Variants in MYO5A observed in about 807,000 individuals in gnomAD.
MYO5A encodes the protein unconventional myosin-Va.
A neutral mutation model predicts 249.7 loss-of-function variants in MYO5A; 98 were observed. That is an observed-to-expected ratio of 0.39 (90% CI 0.33 to 0.46). The LOEUF is 0.46. Among genes scored for constraint, MYO5A ranks in the 20% least tolerant of loss-of-function variants. MYO5A has a pLI of 0.98. For synonymous variants in MYO5A, 778 were observed against 810.6 expected (o/e 0.96, Z 0.68); for missense variants, 1,696 against 2,308.8 (o/e 0.73, Z 5.44).
intron 1 of MYO5A, among the ~76,000 whole-genome samples, chr15:52,435,479 G>A (rs750572970): frequency 2.0e-5 from 3 of 151,912 alleles, no homozygotes; most frequent in Admixed American, 6.6e-5. Flanking sequence ...GGGTTTCACC[G>A]TGTTAGCCAG....
chr15:52,312,812 A>G lies in MYO5A; in HGVS notation c.*884T>C, dbSNP rs2037826236. The G allele has an allele frequency of 6.6e-6, 1 of 152,256 alleles. No individual in the cohort carries two copies. The highest frequency in any genetic ancestry group is 1.5e-5 in the Non-Finnish European group (1 of 68,052). 9.4% of individuals were successfully genotyped at this position (152,256 alleles called of 1,614,324 possible). A position where few individuals can be genotyped will look rare whatever the true frequency, so the allele number is the denominator to read the frequency against. On this transcript the variant is annotated 3_prime_UTR_variant, in exon 42 of 42. Transcript: ENST00000399233. ...CCAGGGAAAATTAATGAGCACATCA[A>G]TGTAATACATCCTGAATAAATAATG...
intron 27 of MYO5A, among the ~76,000 whole-genome samples, chr15:52,353,185 C>T (rs533640915): frequency 4.7e-4 from 71 of 152,276 alleles, no homozygotes; most frequent in African/African-American, 1.6e-3. Context: ...ATTTTGAGAG[C>T]CACTAATCTA....
intron 1 of MYO5A, among the ~76,000 whole-genome samples, chr15:52,446,527 G>T (rs1015343008): frequency 2.0e-5 from 3 of 152,218 alleles, no homozygotes; most frequent in Admixed American, 1.3e-4. Flanking sequence ...GAAAATGTGG[G>T]GTTGGAGGCC....
In MYO5A at chr15:52,372,506, T is replaced by A. The variant is rs112573057; in HGVS notation, c.2578-143A>T. The A allele has an allele frequency of 2.6e-3, 2,951 of 1,139,128 alleles. 37 individuals are homozygous for A. The African/African-American group carries it at 0.028, about 11-fold the overall frequency. The allele number at this position is 1,139,128 out of a possible 1,614,324, so 70.6% of individuals were successfully genotyped here. On this transcript the variant is annotated intron_variant, in intron 20 of 41. Transcript: ENST00000399233. ...TGACAATGTACTATGTAGATTATAC[T>A]TATCACAGATATATGGAGGCTACAA... is the stretch of plus-strand genomic sequence containing the variant.
intron 8 of MYO5A, among the ~76,000 whole-genome samples, chr15:52,406,913 C>T (rs2043028343): frequency 6.6e-6 from 1 of 152,060 alleles, no homozygotes; most frequent in Non-Finnish European, 1.5e-5. Flanking sequence ...TAGAGGAGCC[C>T]GTTTCACTTA....
At position 52,471,131 on chromosome 15, in the gene MYO5A, T is replaced by C. The variant is rs371783644; in HGVS notation, c.28-37846A>G. On this transcript the variant is annotated intron_variant, in intron 1 of 41. Transcript: ENST00000399233. ...ATTTATCTTTTCCCTTCAAGGCTCA[T>C]GGATTAGCAGCTTTATAGATAAAGA... 9.1e-4 allele frequency among the ~76,000 whole-genome samples: 138 copies of C among 152,230 alleles called. 1 individual carries two copies. The highest frequency in any genetic ancestry group is 3.1e-3 in the African/African-American group (130 of 41,518).
chr15:52,381,994 C>T (rs1181676268), intron 16 of MYO5A, among the ~76,000 whole-genome samples: 1 of 152,168 alleles, frequency 6.6e-6, no homozygotes, highest in African/African-American at 2.4e-5. Context: ...CTGCAGCCTC[C>T]CAGGTTCAAG....
rs2041367846 is a variant in MYO5A, at chr15:52,375,576, T to G, written c.2421-116A>C. On this transcript the variant is annotated intron_variant, in intron 19 of 41. Coordinates refer to ENST00000399233, the MANE Select transcript of MYO5A (RefSeq NM_001382347.1). ...GGCATAAATAGTACCTCCATTGTAT[T>G]ATTCTAATAATGTGCATGCTAAGTC... 2.8e-6 allele frequency: 3 copies of G among 1,064,096 alleles called. No individual in the cohort carries two copies. The African/African-American group carries it at 4.7e-5, about 17-fold the overall frequency. The allele number at this position is 1,064,096 out of a possible 1,614,324, so 65.9% of individuals were successfully genotyped here. A position where few individuals can be genotyped will look rare whatever the true frequency, so the allele number is the denominator to read the frequency against.
chr15:52,432,760 G>A (rs574313425), intron 2 of MYO5A, among the ~76,000 whole-genome samples: 26 of 152,094 alleles, frequency 1.7e-4, no homozygotes, highest in African/African-American at 4.8e-4. Context: ...ATTCTTCCCC[G>A]CCTTCCTCCC....
chr15:52,514,441 A>T (rs1402836312), intron 1 of MYO5A, among the ~76,000 whole-genome samples: 1 of 152,180 alleles, frequency 6.6e-6, no homozygotes, highest in Non-Finnish European at 1.5e-5. Context: ...ATGAACACAC[A>T]GAAGGAACAT....
At chr15:52,319,968 C>T (rs1016906575) in intron 38 of MYO5A, among the ~76,000 whole-genome samples, 2 of 152,096 alleles carry the variant, frequency 1.3e-5, no homozygotes, top group African/African-American at 4.8e-5. Flanking sequence ...GGTAGCAGTT[C>T]GGGTTAAGAT....
At chr15:52,425,585 C>A (rs1242746838) in intron 4 of MYO5A, among the ~76,000 whole-genome samples, 1 of 152,148 alleles carries the variant, frequency 6.6e-6, no homozygotes, top group African/African-American at 2.4e-5. Flanking sequence ...GTCTCGAACT[C>A]CTGACCTCAG....
At chr15:52,352,276 C>T (rs997203049) in intron 27 of MYO5A, among the ~76,000 whole-genome samples, 1 of 152,208 alleles carries the variant, frequency 6.6e-6, no homozygotes, top group Non-Finnish European at 1.5e-5. Flanking sequence ...TAGAGTGCCA[C>T]CGACACTAGC....
intron 6 of MYO5A, among the ~76,000 whole-genome samples, chr15:52,409,636 C>T (rs1398126205): frequency 1.3e-5 from 2 of 152,098 alleles, no homozygotes; most frequent in African/African-American, 4.8e-5. Context: ...AGTGGGCATG[C>T]AGTTGAGGCT....
In MYO5A at chr15:52,379,647, T is replaced by C; in HGVS notation, c.2186A>G (p.Asn729Ser). ...CACCAGTATCAGTTTCTCTAACACA[T>C]TCTTGCATGTTTGCTTTCTGTCACT... ...VLSDRKQTCK[N>S]VLEKLILDKD... The change falls in exon 18 of 42, where the codon AAT becomes AGT. Residue 729 changes from asparagine to serine, a missense_variant. By Grantham distance (46) the Asn-to-Ser change is conservative. Coordinates refer to ENST00000399233, the MANE Select transcript of MYO5A (RefSeq NM_001382347.1). The C allele has an allele frequency of 1.2e-6, 2 of 1,614,040 alleles. No homozygotes were observed. The highest frequency in any genetic ancestry group is 1.1e-5 in the South Asian group (1 of 91,084).
intron 29 of MYO5A, 82 bp downstream of exon 29, chr15:52,348,736 T>C (rs2039782665): frequency 8.6e-6 from 10 of 1,163,896 alleles, no homozygotes; most frequent in Non-Finnish European, 1.2e-5. Flanking sequence ...AAAGCATCAA[T>C]TGCCTTTATT....
chr15:52,507,793 G>T (rs2077303216), intron 1 of MYO5A, among the ~76,000 whole-genome samples: 1 of 92,982 alleles, frequency 1.1e-5, no homozygotes, highest in African/African-American at 4.8e-5. Context: ...AACAGAATGA[G>T]ACCCTGTCCC....
chr15:52,466,951 C>A (rs2076365857), intron 1 of MYO5A, among the ~76,000 whole-genome samples: 2 of 152,216 alleles, frequency 1.3e-5, no homozygotes, highest in South Asian at 4.1e-4. Context: ...TGCTCACTGC[C>A]TGGTACGCCA....
At chr15:52,433,921 T>C (rs922346070) in intron 1 of MYO5A, among the ~76,000 whole-genome samples, 2 of 152,118 alleles carry the variant, frequency 1.3e-5, no homozygotes. Context: ...TATGGTGTTG[T>C]GGTTCTGCCA....
Sources: allele counts gnomAD v4.1 joint callset (sites outside exome capture counted in the v4.1 genomes callset), GRCh38; gene constraint gnomAD v4.1.1; transcripts MANE v1.5; gene names NCBI Gene and HGNC (gene_info 2026-07-23, HGNC 2026-07-21).